Variants in EEPD1 observed in about 807,000 individuals in gnomAD.
The protein encoded by EEPD1 is endonuclease/exonuclease/phosphatase family domain containing 1.
In EEPD1, 17 loss-of-function variants were observed where a neutral mutation model predicts 46.3. That is an observed-to-expected ratio of 0.37 (90% CI 0.25 to 0.55). EEPD1 has a LOEUF of 0.55. EEPD1 is among the 20% of genes least tolerant of loss of function. The pLI is 0.83. For missense variants in EEPD1, 673 were observed against 745.6 expected, an observed-to-expected ratio of 0.90 and a Z score of 1.13; for synonymous variants, 313 against 315.6, an observed-to-expected ratio of 0.99 and a Z score of 0.09.
chr7:36,287,741 G>A lies in EEPD1; in HGVS notation c.1279G>A (p.Ala427Thr). 6.2e-7 allele frequency: 1 copy of A among 1,614,164 alleles called. No homozygotes were observed. The highest frequency in any genetic ancestry group is 8.5e-7 in the Non-Finnish European group (1 of 1,180,010). ...SKNHSDGHRL[A>T]SFAQTLQETL... is the part of the protein sequence containing the mutation. ...GAATCACAGTGATGGCCACCGGTTG[G>A]CGAGCTTTGCACAGACCCTACAGGA... The change falls in exon 6 of 8, where the codon GCG (alanine) becomes ACG (threonine). Residue 427 changes from alanine (A) to threonine (T), a missense_variant. By Grantham distance (58) the Ala-to-Thr change is moderately conservative. Coordinates refer to ENST00000242108, the MANE Select transcript of EEPD1 (RefSeq NM_030636.3).
At chr7:36,198,072 T>C (rs1381016952) in intron 2 of EEPD1, among the ~76,000 whole-genome samples, 1 of 152,056 alleles carries the variant, frequency 6.6e-6, no homozygotes, top group Non-Finnish European at 1.5e-5. Context: ...ATGCAGAAAT[T>C]ATTTTTCTTG....
rs777237364 is a variant in EEPD1, at chr7:36,281,123, G to A, written c.939G>A (p.Thr313=). The change falls in exon 4 of 8, where the codon ACG becomes ACA. Residue 313 remains threonine, a synonymous_variant. Transcript: ENST00000242108. ...GTGCTCTGTCTTTGCAGTTCTGCAC[G>A]GAGCTAAACCAGCCGACCCTGCCCA... ...LDREALEKFC[T]ELNQPTLPNI... is the part of the protein sequence containing the mutation. 319 of 1,613,870 alleles carry A rather than the reference G, an allele frequency of 2.0e-4. 1 individual carries two copies. Among genetic ancestry groups the A allele is most frequent in the Middle Eastern group, 1.6e-4 (1 of 6,080 alleles).
chr7:36,297,238 A>G lies in EEPD1; in HGVS notation c.1510+51A>G, dbSNP rs1224040353. The G allele has an allele frequency of 3.8e-6, 6 of 1,591,422 alleles. No homozygotes were observed. In the East Asian group the frequency reaches 9.0e-5, roughly 24 times the overall value. ...CTCCTGTTCAGGAATGGAGTGAGAG[A>G]AACATGTCTGAACTGACAGAAGTCA... On this transcript the variant is annotated intron_variant, in intron 7 of 7. Transcript: ENST00000242108.
intron 2 of EEPD1, among the ~76,000 whole-genome samples, chr7:36,233,301 C>T (rs1786370463): frequency 6.6e-6 from 1 of 152,234 alleles, no homozygotes; most frequent in African/African-American, 2.4e-5. Context: ...TCACGTAGTA[C>T]CTTTCAACAA....
chr7:36,213,373 T>C (rs2115729877), intron 2 of EEPD1, among the ~76,000 whole-genome samples: 1 of 152,204 alleles, frequency 6.6e-6, no homozygotes, highest in South Asian at 2.1e-4. Context: ...AGGGATGTGG[T>C]GCAATTTGCT....
At chr7:36,205,094 C>A (rs2115711321) in intron 2 of EEPD1, among the ~76,000 whole-genome samples, 1 of 152,306 alleles carries the variant, frequency 6.6e-6, no homozygotes, top group African/African-American at 2.4e-5. Flanking sequence ...ACCACGCTGA[C>A]TTTTAGCAGG....
intron 2 of EEPD1, among the ~76,000 whole-genome samples, chr7:36,207,897 T>G (rs1457274129): frequency 3.2e-4 from 48 of 151,208 alleles, no homozygotes; most frequent in African/African-American, 8.2e-4. Context: ...AGTTTTTTTT[T>G]TTTTTTTTTT....
chr7:36,170,083 C>G (rs1785050555), intron 2 of EEPD1, among the ~76,000 whole-genome samples: 1 of 152,188 alleles, frequency 6.6e-6, no homozygotes, highest in Non-Finnish European at 1.5e-5. Flanking sequence ...CCGGCATCCA[C>G]AAATGACATT....
chr7:36,233,347 C>A (rs1272026312), intron 2 of EEPD1, among the ~76,000 whole-genome samples: 4 of 152,230 alleles, frequency 2.6e-5, no homozygotes, highest in Non-Finnish European at 4.4e-5. Context: ...TTGAGGCATT[C>A]TTTTCAGAAG....
chr7:36,172,095 CT>C (rs1785095219), intron 2 of EEPD1, among the ~76,000 whole-genome samples: 1 of 152,124 alleles, frequency 6.6e-6, no homozygotes, highest in African/African-American at 2.4e-5. Context: ...ACTCAGGGCT[CT>C]TCTGTCTTAC....
intron 3 of EEPD1, among the ~76,000 whole-genome samples, chr7:36,247,379 G>T (rs572627868): frequency 6.6e-6 from 1 of 152,140 alleles, no homozygotes; most frequent in Non-Finnish European, 1.5e-5. Context: ...CTCTTATTAC[G>T]TGCTTTTGGA....
At chr7:36,167,356 A>G (rs939912939) in intron 2 of EEPD1, among the ~76,000 whole-genome samples, 4 of 152,164 alleles carry the variant, frequency 2.6e-5, no homozygotes, top group African/African-American at 7.2e-5. Flanking sequence ...GACGATTTCA[A>G]AGTACTTGTT....
intron 2 of EEPD1, among the ~76,000 whole-genome samples, chr7:36,203,679 A>G (rs75884150): frequency 0.065 from 9,938 of 152,318 alleles, 445 homozygotes; most frequent in Middle Eastern, 0.14. Context: ...AAACCAACCA[A>G]TTGGTATAAT....
At chr7:36,262,012 GA>G (rs1271860877) in intron 3 of EEPD1, among the ~76,000 whole-genome samples, 1 of 152,158 alleles carries the variant, frequency 6.6e-6, no homozygotes, top group Non-Finnish European at 1.5e-5. Context: ...CATCTTTGTA[GA>G]AATTCAAAAG....
chr7:36,197,307 G>T (rs1168496454), intron 2 of EEPD1, among the ~76,000 whole-genome samples: 4 of 149,340 alleles, frequency 2.7e-5, no homozygotes, highest in African/African-American at 7.5e-5. Flanking sequence ...TCAGCCCCCC[G>T]CCCGGCCAGC....
At chr7:36,251,515 G>C (rs1364398530) in intron 3 of EEPD1, among the ~76,000 whole-genome samples, 1 of 152,168 alleles carries the variant, frequency 6.6e-6, no homozygotes, top group Admixed American at 6.5e-5. Context: ...TCTCCATGTT[G>C]GTCAGGCTGG....
At chr7:36,283,368 G>A (rs923314256) in intron 4 of EEPD1, among the ~76,000 whole-genome samples, 7 of 152,194 alleles carry the variant, frequency 4.6e-5, no homozygotes, top group Admixed American at 6.5e-5. Flanking sequence ...AGGCCCCACC[G>A]CAGAGGCTTC....
intron 2 of EEPD1, among the ~76,000 whole-genome samples, chr7:36,217,725 A>C (rs545429806): frequency 1.2e-4 from 18 of 152,320 alleles, no homozygotes; most frequent in African/African-American, 4.1e-4. Context: ...CAGAGAACCT[A>C]ACTGGCTGGT....
chr7:36,162,079 T>C (rs955479067), intron 2 of EEPD1, among the ~76,000 whole-genome samples: 2 of 152,154 alleles, frequency 1.3e-5, no homozygotes, highest in African/African-American at 2.4e-5. Context: ...ACTGATGACT[T>C]CTCATATCAT....
Sources: gnomAD v4.1 joint callset for allele counts (sites outside exome capture counted in the v4.1 genomes callset) on GRCh38, gnomAD v4.1.1 for gene constraint, MANE v1.5 for transcripts, NCBI Gene and HGNC (gene_info 2026-07-23, HGNC 2026-07-21) for gene names.